The following CUBN variants were observed in gnomAD, a reference collection of about 807,000 sequenced individuals.
CUBN encodes 460 kDa receptor.
Under a neutral mutation model 405.3 loss-of-function variants are expected in CUBN, and 282 were observed. The observed-to-expected ratio is 0.70, with a 90% CI of 0.63 to 0.77. The LOEUF is 0.77. Ranked by LOEUF, CUBN falls within the 30% of genes least tolerant of loss-of-function variation. The probability of loss-of-function intolerance (pLI) is 0.00; values close to 1 mark genes in which losing one functional copy is unlikely to be tolerated. For synonymous variants in CUBN, 1,684 were observed against 1,617.0 expected (o/e 1.04, Z -0.99); for missense variants, 4,514 against 4,475.2 (o/e 1.01, Z -0.25).
At chr10:16,886,102 G>C (rs192393346) in intron 56 of CUBN, among the ~76,000 whole-genome samples, 173 of 152,284 alleles carry the variant, frequency 1.1e-3, no homozygotes, top group African/African-American at 3.8e-3. Flanking sequence ...TTTTGGGCTA[G>C]CAAATGCTGA....
intron 31 of CUBN, among the ~76,000 whole-genome samples, chr10:16,957,410 A>G (rs1462725226): frequency 6.6e-6 from 1 of 152,206 alleles, no homozygotes; most frequent in Non-Finnish European, 1.5e-5. Flanking sequence ...TTGTTTATAT[A>G]TATCACATTT....
intron 60 of CUBN, among the ~76,000 whole-genome samples, chr10:16,849,010 G>A (rs1023331750): frequency 2.0e-5 from 3 of 151,956 alleles, no homozygotes; most frequent in Non-Finnish European, 2.9e-5. Context: ...GGCCGGCCAG[G>A]TCTCATTTTA....
intron 47 of CUBN, among the ~76,000 whole-genome samples, chr10:16,914,539 A>G (rs1388513240): frequency 6.6e-6 from 1 of 152,094 alleles, no homozygotes; most frequent in Non-Finnish European, 1.5e-5. Context: ...AGCCTGGACA[A>G]CAGAGCGAGA....
At chr10:17,051,359 TA>T (rs1043291654) in intron 22 of CUBN, among the ~76,000 whole-genome samples, 3 of 151,366 alleles carry the variant, frequency 2.0e-5, no homozygotes, top group Admixed American at 2.0e-4. Context: ...GAGTCCGTCT[TA>T]AAAAAACAAA....
intron 31 of CUBN, among the ~76,000 whole-genome samples, chr10:16,974,159 A>G (rs1367389550): frequency 6.6e-6 from 1 of 152,198 alleles, no homozygotes; most frequent in African/African-American, 2.4e-5. Context: ...AATCTGACCT[A>G]GGTCCTCTTA....
Position 16,925,341 on chromosome 10 carries a change from T to G in CUBN, c.6546A>C (p.Ser2182=), listed in dbSNP as rs1457213297. 32 of 1,613,886 alleles carry G rather than the reference T, an allele frequency of 2.0e-5. No homozygotes were observed. Among genetic ancestry groups the G allele is most frequent in the Non-Finnish European group, 2.6e-5 (31 of 1,179,842 alleles). Residue 2182 remains serine, a synonymous_variant, in exon 43 of 67, where the codon TCA becomes TCC. Coordinates refer to ENST00000377833, the MANE Select transcript of CUBN (RefSeq NM_001081.4). ...NGHFCGSHAS[S]TLFTSDNQMF... Reference sequence around the variant, plus strand: ...TTTGATTATCCGAGGTGAACAGAGTTGATGAAGCATGACTGCCACAAAAAT... The same window carrying G: ...TTTGATTATCCGAGGTGAACAGAGTGGATGAAGCATGACTGCCACAAAAAT...
intron 59 of CUBN, among the ~76,000 whole-genome samples, chr10:16,854,847 C>G (rs1435996431): frequency 6.6e-6 from 1 of 152,078 alleles, no homozygotes; most frequent in Admixed American, 6.5e-5. Flanking sequence ...GAACAAGCAT[C>G]CTTAAATCAC....
rs766855509 is a variant in CUBN, at chr10:16,888,497, T to C, written c.8825A>G (p.Asn2942Ser). The C allele has an allele frequency of 2.0e-4, 327 of 1,613,096 alleles. No individual in the cohort carries two copies. Among genetic ancestry groups the C allele is most frequent in the Non-Finnish European group, 2.7e-4 (321 of 1,179,204 alleles). The change falls in exon 56 of 67, where the codon AAC becomes AGC. Residue 2942 changes from asparagine to serine, a missense_variant. By Grantham distance (46) the Asn-to-Ser change is conservative (BLOSUM62 1). Coordinates refer to ENST00000377833, the MANE Select transcript of CUBN (RefSeq NM_001081.4). The part of the protein sequence containing the change: ...ISPNYPKQYD[N>S]NMNCTYVIEA... ...TATGACATAGGTGCAATTCATGTTG[T>C]TGTCATATTGTTTTGGGTAATTTGG...
intron 4 of CUBN, among the ~76,000 whole-genome samples, chr10:17,124,901 A>G (rs2356828): frequency 0.93 from 141,643 of 151,988 alleles, 66,081 homozygotes; most frequent in Non-Finnish European, 0.96. Flanking sequence ...GTATGATCTC[A>G]GCTCACTGCA....
rs376128643 is a variant in CUBN at position 16,899,050 on chromosome 10, G to C, written c.8544C>G (p.Asp2848Glu). Residue 2848 changes from aspartate to glutamate, a missense_variant, in exon 54 of 67, where the codon GAC becomes GAG. Asp to Glu is a conservative substitution (Grantham distance 45, BLOSUM62 2). Around this residue, in one of 5 missense-constraint regions of CUBN, gnomAD observed 1,186 missense variants for 1,186.9 expected, o/e 1.00. Transcript: ENST00000377833. The stretch of plus-strand genomic sequence containing the variant: ...CACCGCTGGGGATTAGGAAGTTGTT[G>C]TCAAAGCTGATCTCCAAGTGTTTAC... ...HKSKHLEISFDNNFLIPSGDG... is the reference protein window; with the variant it reads ...HKSKHLEISFENNFLIPSGDG... 3.7e-6 allele frequency: 6 copies of C among 1,613,560 alleles called. No individual in the cohort carries two copies. The highest frequency in any genetic ancestry group is 5.1e-6 in the Non-Finnish European group (6 of 1,179,592).
intron 49 of CUBN, 140 bp downstream of exon 49, chr10:16,907,368 C>T (rs368126548): frequency 1.2e-6 from 1 of 855,200 alleles, no homozygotes; most frequent in East Asian, 2.6e-5. Context: ...TTTTCATCTG[C>T]TTATGTGTGT....
chr10:16,916,364 G>A (rs1377166322), intron 45 of CUBN, among the ~76,000 whole-genome samples: 1 of 152,186 alleles, frequency 6.6e-6, no homozygotes, highest in Admixed American at 6.5e-5. Context: ...TTCATCTCAA[G>A]AACCAACTGA....
At chr10:16,941,603 G>A (rs1004351368) in intron 36 of CUBN, among the ~76,000 whole-genome samples, 1 of 152,134 alleles carries the variant, frequency 6.6e-6, no homozygotes, top group Non-Finnish European at 1.5e-5. Context: ...CAGCACTTTG[G>A]GAGGCTGAGG....
chr10:17,123,505 G>T, intron 5 of CUBN, 83 bp downstream of exon 5: 1 of 1,058,238 alleles, frequency 9.4e-7, no homozygotes, highest in East Asian at 2.5e-5. Flanking sequence ...ACTTTAGATG[G>T]AGAATTAAAT....
chr10:16,931,453 C>A (rs547437785), intron 40 of CUBN, among the ~76,000 whole-genome samples: 1 of 152,160 alleles, frequency 6.6e-6, no homozygotes, highest in Non-Finnish European at 1.5e-5. Flanking sequence ...GGAATCCATA[C>A]GGAAAGGCCG....
intron 28 of CUBN, among the ~76,000 whole-genome samples, chr10:17,017,729 G>A (rs1416391630): frequency 6.6e-6 from 1 of 152,132 alleles, no homozygotes; most frequent in African/African-American, 2.4e-5. Context: ...GAACCCAGGT[G>A]CCTAAAGAAG....
intron 14 of CUBN, among the ~76,000 whole-genome samples, chr10:17,098,669 TAAAAAATCCA>T (rs1469038346): frequency 1.3e-5 from 2 of 152,162 alleles, no homozygotes; most frequent in African/African-American, 2.4e-5. Context: ...TATGTACGTT[TAAAAAATCCA>T]AAAGAATCTA....
intron 28 of CUBN, among the ~76,000 whole-genome samples, chr10:17,018,166 C>T (rs574251288): frequency 6.6e-6 from 1 of 152,288 alleles, no homozygotes; most frequent in African/African-American, 2.4e-5. Context: ...GGCGGCCATG[C>T]TAGTCACTTT....
At chr10:16,977,853 A>C (rs1188290001) in intron 31 of CUBN, among the ~76,000 whole-genome samples, 1 of 152,234 alleles carries the variant, frequency 6.6e-6, no homozygotes, top group African/African-American at 2.4e-5. Flanking sequence ...AACCTGCAGC[A>C]CTTGAACAGA....
Sources: gnomAD v4.1 joint callset for allele counts (sites outside exome capture counted in the v4.1 genomes callset) on GRCh38, gnomAD v4.1.1 for gene constraint, gnomAD v4.1.1 regional missense constraint, MANE v1.5 for transcripts, NCBI Gene and HGNC (gene_info 2026-07-23, HGNC 2026-07-21) for gene names.